Variants in ARHGAP32 observed in about 807,000 individuals in gnomAD.
ARHGAP32 encodes the protein Rho GTPase activating protein 32.
Under a neutral mutation model 186.5 loss-of-function variants are expected in ARHGAP32, and 51 were observed. The observed-to-expected ratio is 0.27, with a 90% CI of 0.22 to 0.35. The LOEUF (loss-of-function observed/expected upper bound fraction) is 0.35, where lower values mean the gene tolerates loss of function less well. ARHGAP32 is among the 10% of genes least tolerant of loss of function. The pLI is 1.00. For missense variants in ARHGAP32, 2,186 were observed against 2,623.5 expected (o/e 0.83, Z 3.64); for synonymous variants, 950 against 964.3 (o/e 0.99, Z 0.27).
At chr11:129,194,614 T>A (rs1416276873), upstream of ARHGAP32, among the ~76,000 whole-genome samples, 2 of 152,032 alleles carry the variant, frequency 1.3e-5, no homozygotes, top group East Asian at 3.9e-4. Context: ...CCAGTAGTTG[T>A]CTCCACGGAG....
intron 1 of ARHGAP32, among the ~76,000 whole-genome samples, chr11:129,212,048 G>C (rs1005350546): frequency 1.3e-5 from 2 of 152,036 alleles, no homozygotes; most frequent in African/African-American, 4.8e-5. Context: ...CCAGCTACTT[G>C]GGGGACTGAG....
intron 1 of ARHGAP32, among the ~76,000 whole-genome samples, chr11:129,220,058 T>C (rs185994708): frequency 9.8e-5 from 15 of 152,312 alleles, no homozygotes; most frequent in African/African-American, 1.9e-4. Context: ...CCTGAAACTA[T>C]AGCACTTGCA....
intron 2 of ARHGAP32, among the ~76,000 whole-genome samples, chr11:129,136,216 G>T (rs1029474597): frequency 6.6e-6 from 1 of 152,040 alleles, no homozygotes; most frequent in African/African-American, 2.4e-5. Flanking sequence ...AATATGAAAT[G>T]GTGCCAAACA....
chr11:128,997,560 C>A (rs1946233894), intron 12 of ARHGAP32, among the ~76,000 whole-genome samples: 1 of 152,114 alleles, frequency 6.6e-6, no homozygotes, highest in African/African-American at 2.4e-5. Flanking sequence ...CATCTTCTGG[C>A]ATTTCTGAAA....
intron 1 of ARHGAP32, 48 bp downstream of exon 1, chr11:129,192,035 G>T: frequency 1.5e-6 from 2 of 1,327,916 alleles, no homozygotes; most frequent in South Asian, 1.2e-5. Context: ...GGGTGCGGGT[G>T]GGGGTAGGGA....
intron 17 of ARHGAP32, among the ~76,000 whole-genome samples, chr11:128,981,186 C>A (rs750792641): frequency 1.3e-5 from 2 of 152,130 alleles, no homozygotes; most frequent in Non-Finnish European, 2.9e-5. Context: ...TAATGAACGA[C>A]AAGTTTTTTA....
chr11:129,079,601 T>C (rs1413417940), intron 6 of ARHGAP32, among the ~76,000 whole-genome samples: 4 of 152,242 alleles, frequency 2.6e-5, no homozygotes, highest in Non-Finnish European at 5.9e-5. Flanking sequence ...AAAGGAGTTC[T>C]AAATCTTGAA....
At chr11:129,176,733 A>G (rs1943924221) in intron 1 of ARHGAP32, among the ~76,000 whole-genome samples, 1 of 150,146 alleles carries the variant, frequency 6.7e-6, no homozygotes, top group Non-Finnish European at 1.5e-5. Flanking sequence ...GTTCTTTGAA[A>G]CCAACGAGAA....
Position 128,974,690 on chromosome 11 carries a change from G to C in ARHGAP32, c.2507C>G (p.Pro836Arg). ...ACTTGGTTTATCCTTGGAGTATCCT[G>C]GTGAATCTAAAAAGGAAGCACCACT... ...LESGASFLDS[P>R]GYSKDKPSAN... Residue 836 changes from proline to arginine, a missense_variant, in exon 21 of 23, where the codon CCA (proline) becomes CGA (arginine). Transcript: ENST00000682385. 6.2e-7 allele frequency: 1 copy of C among 1,614,066 alleles called. No individual in the cohort carries two copies. Among genetic ancestry groups the C allele is most frequent in the Admixed American group, 1.7e-5 (1 of 60,008 alleles).
intron 15 of ARHGAP32, among the ~76,000 whole-genome samples, 190 bp from the exon 16 acceptor site, chr11:128,982,126 C>G (rs192223495): frequency 6.6e-6 from 1 of 152,144 alleles, no homozygotes; most frequent in Non-Finnish European, 1.5e-5. Flanking sequence ...TCCACCAAAG[C>G]TAGTTTCTGG....
intron 1 of ARHGAP32, among the ~76,000 whole-genome samples, chr11:129,164,855 A>G (rs928866496): frequency 1.3e-5 from 2 of 152,170 alleles, no homozygotes; most frequent in Admixed American, 6.6e-5. Context: ...GAGTGCAGCA[A>G]ATAAGCATTT....
intron 1 of ARHGAP32, among the ~76,000 whole-genome samples, chr11:129,258,055 T>G (rs905490269): frequency 6.6e-6 from 1 of 151,616 alleles, no homozygotes; most frequent in African/African-American, 2.4e-5. Context: ...TTGTCTAAAA[T>G]AGCAATGTAA....
intron 6 of ARHGAP32, among the ~76,000 whole-genome samples, chr11:129,090,259 A>C (rs1002516385): frequency 6.6e-6 from 1 of 152,232 alleles, no homozygotes. Flanking sequence ...ATATCAAGGA[A>C]TGCATTTTTG....
In ARHGAP32 at chr11:128,973,357, G is replaced by C; in HGVS notation, c.3149C>G (p.Pro1050Arg). The C allele has an allele frequency of 6.2e-7, 1 of 1,614,072 alleles. No homozygotes were observed. Among genetic ancestry groups the C allele is most frequent in the Non-Finnish European group, 8.5e-7 (1 of 1,180,026 alleles). The change falls in exon 22 of 23, where the codon CCG becomes CGG. Residue 1050 changes from proline to arginine, a missense_variant. Physicochemically the swap from Pro to Arg is moderately radical, Grantham distance 103. Around this residue, in one of 5 missense-constraint regions of ARHGAP32, gnomAD observed 1,502 missense variants for 1,570.0 expected, o/e 0.96. Coordinates refer to ENST00000682385, the MANE Select transcript of ARHGAP32 (RefSeq NM_001378024.1). ...SVSLIPPPPP[P>R]KNVARMLALA... ...CGCCAACATTCGGGCAACATTTTTC[G>C]GAGGCGGTGGTGGTGGGATAAGAGA...
rs150842643 is a variant in ARHGAP32, at chr11:129,154,702, C to T, written c.225+9617G>A. On this transcript the variant is annotated intron_variant, in intron 2 of 22. Coordinates refer to ENST00000682385, the MANE Select transcript of ARHGAP32 (RefSeq NM_001378024.1). ...GCTATGAGGACACAAAGGCATAAGA[C>T]TGATATAATGGACTTTGGCACTCGA... 9.7e-4 allele frequency among the ~76,000 whole-genome samples: 147 copies of T among 152,082 alleles called. 1 individual carries two copies. Among genetic ancestry groups the T allele is most frequent in the Non-Finnish European group, 1.7e-3 (116 of 67,988 alleles).
chr11:128,986,183 G>T, intron 14 of ARHGAP32, 98 bp from the exon 15 acceptor site: 4 of 922,450 alleles, frequency 4.3e-6, no homozygotes, highest in Non-Finnish European at 6.7e-6. Context: ...AACTTGCTTT[G>T]CTCTTGGATG....
chr11:129,043,904 C>A (rs1289829741), intron 10 of ARHGAP32, among the ~76,000 whole-genome samples: 1 of 151,934 alleles, frequency 6.6e-6, no homozygotes, highest in Non-Finnish European at 1.5e-5. Flanking sequence ...AAAAAATTAA[C>A]CCTCATCTGA....
chr11:129,247,371 T>C (rs181554994), intron 1 of ARHGAP32, among the ~76,000 whole-genome samples: 52 of 152,338 alleles, frequency 3.4e-4, no homozygotes, highest in Non-Finnish European at 1.0e-4. Context: ...CATGTATTCA[T>C]ACTTCCTGTT....
At chr11:129,119,254 T>C (rs1942459245) in intron 5 of ARHGAP32, among the ~76,000 whole-genome samples, 1 of 151,960 alleles carries the variant, frequency 6.6e-6, no homozygotes, top group Non-Finnish European at 1.5e-5. Context: ...CTGCACCAGC[T>C]GGTCATACCC....
Sources: gnomAD v4.1 joint callset for allele counts (sites outside exome capture counted in the v4.1 genomes callset) on GRCh38, gnomAD v4.1.1 for gene constraint, gnomAD v4.1.1 regional missense constraint, MANE v1.5 for transcripts, NCBI Gene and HGNC (gene_info 2026-07-23, HGNC 2026-07-21) for gene names.